The following CD101 variants were observed in gnomAD, a reference collection of about 807,000 sequenced individuals.
CD101 encodes immunoglobulin superfamily member 2.
In CD101, 76 loss-of-function variants were observed where a neutral mutation model predicts 98.2. That is an observed-to-expected ratio of 0.77 (90% CI 0.64 to 0.94). CD101 has a LOEUF of 0.94. Among genes scored for constraint, CD101 ranks in the 40% least tolerant of loss-of-function variants. The pLI, the probability that CD101 is intolerant of heterozygous loss-of-function variation, is 0.00. For missense variants in CD101, 1,145 were observed against 1,218.8 expected, an observed-to-expected ratio of 0.94 and a Z score of 0.90; for synonymous variants, 471 against 472.7, an observed-to-expected ratio of 1.00 and a Z score of 0.05.
Position 117,018,049 on chromosome 1 carries a change from T to C in CD101, c.1613-107T>C. ...TCTATAAAATAGGAAACTCCAAATG[T>C]ACAAATGCATGGTCCTAGTCAAAGA... On this transcript the variant is annotated intron_variant, in intron 5 of 9. Transcript: ENST00000682167. The surrounding 1 kb of genome is among the most constrained non-coding windows in gnomAD (Gnocchi z 4.3). 1.0e-6 allele frequency: 1 copy of C among 989,502 alleles called. No individual in the cohort carries two copies. The highest frequency in any genetic ancestry group is 1.5e-6 in the Non-Finnish European group (1 of 687,754). The allele number at this position is 989,502 out of a possible 1,614,324, so 61.3% of individuals were successfully genotyped here.
In CD101 at chr1:117,033,973, A is replaced by G. The variant is rs1557782596; in HGVS notation, c.2938A>G (p.Lys980Glu). 1 of 1,614,020 alleles carries G rather than the reference A, an allele frequency of 6.2e-7. No homozygotes were observed. The highest frequency in any genetic ancestry group is 1.1e-5 in the South Asian group (1 of 91,072). The change falls in exon 9 of 10, where the codon AAG becomes GAG. Residue 980 changes from lysine (K) to glutamate (E), a missense_variant. By Grantham distance (56) the Lys-to-Glu change is moderately conservative. Coordinates refer to ENST00000682167, the MANE Select transcript of CD101 (RefSeq NM_001256106.3). This position sits in a 1 kb window ranked among gnomAD's most constrained non-coding sequence, Gnocchi z 4.8. Reference protein sequence around the residue: ...LLISLLCLYWKARKLSTLRSN... With the variant: ...LLISLLCLYWEARKLSTLRSN... ...CATCTCCCTCCTCTGCTTATACTGG[A>G]AGGCCAGGAAGTTGTCAACACTGCG...
intron 8 of CD101, among the ~76,000 whole-genome samples, chr1:117,030,793 G>A (rs962752178): frequency 1.3e-5 from 2 of 152,228 alleles, no homozygotes; most frequent in Admixed American, 1.3e-4. Flanking sequence ...TGCATGTTTG[G>A]GGTTGGGTAG....
intron 1 of CD101, among the ~76,000 whole-genome samples, chr1:117,008,026 G>A (rs1652643818): frequency 6.6e-6 from 1 of 152,102 alleles, no homozygotes; most frequent in African/African-American, 2.4e-5. Flanking sequence ...GTCTTAAACT[G>A]CCACTGTAGT....
rs772665909 is a variant in CD101 at position 117,029,223 on chromosome 1, AAG to A, written c.2824+3321_2824+3322del. On this transcript the variant is annotated intron_variant, in intron 8 of 9. Transcript: ENST00000682167. Reference sequence around the variant, plus strand: ...AGAAAGAAAAGAAAGAAAAGAAAGAAAGAAAGAAAGAAAGAAAGAAAGAAAGA... The same window carrying A: ...AGAAAGAAAAGAAAGAAAAGAAAGAAAAAGAAAGAAAGAAAGAAAGAAAGA... Among the ~76,000 whole-genome samples the A allele has an allele frequency of 6.0e-4, 36 of 59,762 alleles. 1 individual carries two copies. Among genetic ancestry groups the A allele is most frequent in the Middle Eastern group, 0.017 (2 of 120 alleles). 39.2% of individuals were successfully genotyped at this position (59,762 alleles called of 152,430 possible).
rs780364359 is a variant in CD101, at chr1:117,011,897, C to G, written c.772C>G (p.Pro258Ala). 18 of 1,614,124 alleles carry G rather than the reference C, an allele frequency of 1.1e-5. No individual in the cohort carries two copies. In the East Asian group the frequency reaches 4.0e-4, roughly 36 times the overall value. Residue 258 changes from proline to alanine, a missense_variant, in exon 3 of 10, where the codon CCA becomes GCA. By Grantham distance (27) the Pro-to-Ala change is conservative. Coordinates refer to ENST00000682167, the MANE Select transcript of CD101 (RefSeq NM_001256106.3). ...FCEATEWIQD[P>A]DETWMFITKK... is the part of the protein sequence containing the mutation. The stretch of plus-strand genomic sequence containing the variant: ...TGAGGCAACGGAATGGATTCAGGAT[C>G]CAGATGAAACTTGGATGTTCATCAC...
At chr1:117,003,179 A>G (rs569988100) in intron 1 of CD101, among the ~76,000 whole-genome samples, 1 of 152,292 alleles carries the variant, frequency 6.6e-6, no homozygotes, top group South Asian at 2.1e-4. Context: ...TGCTTTAGAG[A>G]GACTGGATGG....
chr1:117,029,261 GAAAGA>G (rs1654277345), intron 8 of CD101, among the ~76,000 whole-genome samples: 1 of 123,110 alleles, frequency 8.1e-6, no homozygotes, highest in Non-Finnish European at 1.7e-5. Flanking sequence ...AAGAAAGAAA[GAAAGA>G]AAGAAAGAGT....
rs1355773991 is a variant in CD101 at position 117,023,873 on chromosome 1, T to A, written c.2429-1636T>A. 6.6e-6 allele frequency among the ~76,000 whole-genome samples: 1 copy of A among 152,094 alleles called. No individual in the cohort carries two copies. Among genetic ancestry groups the A allele is most frequent in the Non-Finnish European group, 1.5e-5 (1 of 68,022 alleles). ...CTGGTCAGAGTTGTAAGGGGGATAT[T>A]TTCTCTGAGGTTGGAAGAAAAGAAG... On this transcript the variant is annotated intron_variant, in intron 7 of 9. Coordinates refer to ENST00000682167, the MANE Select transcript of CD101 (RefSeq NM_001256106.3). The surrounding 1 kb of genome is among the most constrained non-coding windows in gnomAD (Gnocchi z 4.4).
chr1:117,024,678 A>G (rs1194419033), intron 7 of CD101, among the ~76,000 whole-genome samples: 2 of 152,200 alleles, frequency 1.3e-5, no homozygotes, highest in Non-Finnish European at 2.9e-5. Context: ...GTCTAATCCA[A>G]TCATCTAAAT....
intron 4 of CD101, among the ~76,000 whole-genome samples, chr1:117,016,116 A>AAC (rs1653200804): frequency 1.3e-5 from 2 of 151,246 alleles, no homozygotes; most frequent in Admixed American, 1.3e-4. Context: ...TGTTTACAAC[A>AAC]ACGTGTGTTG....
chr1:117,026,874 A>T (rs1430865686), intron 8 of CD101: 2 of 152,172 alleles, frequency 1.3e-5, no homozygotes, highest in Non-Finnish European at 2.9e-5. Flanking sequence ...AGGGTAATTA[A>T]TGTTGAGGAT....
chr1:117,013,824 G>T (rs1653044731), intron 4 of CD101, 32 bp downstream of exon 4: 1 of 1,571,072 alleles, frequency 6.4e-7, no homozygotes, highest in African/African-American at 1.4e-5. Flanking sequence ...CATGCATTGG[G>T]CTGCTTTCAG....
chr1:117,017,000 C>G, intron 4 of CD101, 90 bp from the exon 5 acceptor site: 2 of 1,422,872 alleles, frequency 1.4e-6, no homozygotes, highest in Non-Finnish European at 1.9e-6. Flanking sequence ...ACAAACTAGT[C>G]AAGTCCTAAT....
rs529866838 is a variant in CD101 at position 117,010,063 on chromosome 1, C to T, written c.257C>T (p.Thr86Met). The change falls in exon 2 of 10, where the codon ACG becomes ATG. Residue 86 changes from threonine to methionine, a missense_variant. Thr to Met is a moderately conservative substitution (Grantham distance 81). Transcript: ENST00000682167. This position sits in a 1 kb window ranked among gnomAD's most constrained non-coding sequence, Gnocchi z 5.2. ...KDAAFSYAVY[T>M]QRVRSGDVYV... is the part of the protein sequence containing the mutation. ...GCTGCCTTCTCTTACGCAGTATATA[C>T]GCAGCGGGTGCGAAGCGGAGACGTC... 3.5e-5 allele frequency: 56 copies of T among 1,614,080 alleles called. No individual in the cohort carries two copies. Among genetic ancestry groups the T allele is most frequent in the African/African-American group, 5.3e-5 (4 of 74,940 alleles).
At chr1:117,003,910 T>C (rs1652385804) in intron 1 of CD101, among the ~76,000 whole-genome samples, 1 of 152,204 alleles carries the variant, frequency 6.6e-6, no homozygotes, top group African/African-American at 2.4e-5. Context: ...TAGAGGGGAA[T>C]TGAAATAAAT....
rs1483859934 is a variant in CD101, at chr1:117,021,784, C to A, written c.2229C>A (p.His743Gln). ...TTATAAAAACTGGGGATGAGTTTCA[C>A]ACCCCACAGAGAAAACAAAAATTTC... ...TNVIKTGDEF[H>Q]TPQRKQKFHT... Residue 743 changes from histidine (H) to glutamine (Q), a missense_variant, in exon 7 of 10, where the codon CAC becomes CAA. Physicochemically the swap from His to Gln is conservative, Grantham distance 24 (BLOSUM62 0). Transcript: ENST00000682167. This position sits in a 1 kb window ranked among gnomAD's most constrained non-coding sequence, Gnocchi z 4.7. 1 of 1,614,066 alleles carries A rather than the reference C, an allele frequency of 6.2e-7. No homozygotes were observed. The highest frequency in any genetic ancestry group is 8.5e-7 in the Non-Finnish European group (1 of 1,179,986).
At position 117,021,167 on chromosome 1, in the gene CD101, A is replaced by T. The variant is rs911206030; in HGVS notation, c.2018-406A>T. Reference sequence around the variant, plus strand: ...GCATTAATAGGGCCACTTTCTCCCAATCTGATACATGAAATATGACAGAAG... The same window carrying T: ...GCATTAATAGGGCCACTTTCTCCCATTCTGATACATGAAATATGACAGAAG... On this transcript the variant is annotated intron_variant, in intron 6 of 9. Coordinates refer to ENST00000682167, the MANE Select transcript of CD101 (RefSeq NM_001256106.3). The surrounding 1 kb of genome is among the most constrained non-coding windows in gnomAD (Gnocchi z 4.7). 1.3e-5 allele frequency among the ~76,000 whole-genome samples: 2 copies of T among 152,232 alleles called. No individual in the cohort carries two copies. Among genetic ancestry groups the T allele is most frequent in the Non-Finnish European group, 2.9e-5 (2 of 68,042 alleles).
chr1:117,021,707 G>A lies in CD101; in HGVS notation c.2152G>A (p.Val718Ile), dbSNP rs763756063. Residue 718 changes from valine to isoleucine, a missense_variant, in exon 7 of 10, where the codon GTT (valine) becomes ATT (isoleucine). Coordinates refer to ENST00000682167, the MANE Select transcript of CD101 (RefSeq NM_001256106.3). The surrounding 1 kb of genome is among the most constrained non-coding windows in gnomAD (Gnocchi z 4.7). ...AGCCATTATTTGGTATTTTTCTCCT[G>A]TTTCCACTAATGCCTCTTGGCTAAA... ...QLAIIWYFSP[V>I]STNASWLKIL... is the part of the protein sequence containing the mutation. 6.2e-6 allele frequency: 10 copies of A among 1,614,118 alleles called. No individual in the cohort carries two copies. Among genetic ancestry groups the A allele is most frequent in the Non-Finnish European group, 8.5e-6 (10 of 1,180,010 alleles).
rs569627728 is a variant in CD101, at chr1:117,025,418, A to G, written c.2429-91A>G. 1.2e-5 allele frequency: 13 copies of G among 1,103,974 alleles called. No homozygotes were observed. The African/African-American group carries it at 1.7e-4, about 15-fold the overall frequency. The allele number at this position is 1,103,974 out of a possible 1,614,324, so 68.4% of individuals were successfully genotyped here. A position where few individuals can be genotyped will look rare whatever the true frequency, so the allele number is the denominator to read the frequency against. ...GAATGCACTGATGTCTAAAGAATAT[A>G]AGATCTTCCCAGTGAGAACTAGATT... is the stretch of plus-strand genomic sequence containing the variant. On this transcript the variant is annotated intron_variant, in intron 7 of 9. Coordinates refer to ENST00000682167, the MANE Select transcript of CD101 (RefSeq NM_001256106.3).
Sources: gnomAD v4.1 joint callset for allele counts (sites outside exome capture counted in the v4.1 genomes callset) on GRCh38, gnomAD v4.1.1 for gene constraint, Gnocchi (gnomAD v3.1) non-coding constraint, MANE v1.5 for transcripts, NCBI Gene and HGNC (gene_info 2026-07-23, HGNC 2026-07-21) for gene names.